The following DSTYK variants were observed in gnomAD, a reference collection of about 807,000 sequenced individuals.
DSTYK encodes the protein RIP-homologous kinase.
Under a neutral mutation model 98.7 loss-of-function variants are expected in DSTYK, and 34 were observed. That is an observed-to-expected ratio of 0.34 (90% CI 0.26 to 0.46). The LOEUF (loss-of-function observed/expected upper bound fraction) is 0.46. Among genes scored for constraint, DSTYK ranks in the 20% least tolerant of loss-of-function variants. The pLI is 1.00. For synonymous variants in DSTYK, 462 were observed against 457.3 expected (o/e 1.01, Z -0.13); for missense variants, 962 against 1,181.7 (o/e 0.81, Z 2.73).
chr1:205,210,658 T>A (rs897044598), intron 1 of DSTYK, among the ~76,000 whole-genome samples: 1 of 152,210 alleles, frequency 6.6e-6, no homozygotes, highest in African/African-American at 2.4e-5. Flanking sequence ...TTCTTCACCT[T>A]AAGCATGAGC....
At chr1:205,177,593 G>A (rs1309661616) in intron 2 of DSTYK, among the ~76,000 whole-genome samples, 1 of 152,138 alleles carries the variant, frequency 6.6e-6, no homozygotes, top group Admixed American at 6.6e-5. Flanking sequence ...TTGGCTGGGT[G>A]TGGTGGCTCA....
At chr1:205,195,435 T>C (rs1658838107) in intron 1 of DSTYK, among the ~76,000 whole-genome samples, 3 of 152,228 alleles carry the variant, frequency 2.0e-5, no homozygotes, top group Non-Finnish European at 4.4e-5. Context: ...AAATTCAGTC[T>C]AGAAATATTT....
At chr1:205,177,121 C>A (rs1658255582) in intron 2 of DSTYK, among the ~76,000 whole-genome samples, 1 of 152,056 alleles carries the variant, frequency 6.6e-6, no homozygotes, top group Admixed American at 6.6e-5. Context: ...GCAGGAAGAT[C>A]CCTTGAGCCT....
chr1:205,169,757 A>T lies in DSTYK; in HGVS notation c.730T>A (p.Phe244Ile). 1 of 1,614,232 alleles carries T rather than the reference A, an allele frequency of 6.2e-7. No homozygotes were observed. The highest frequency in any genetic ancestry group is 1.1e-5 in the South Asian group (1 of 91,084). Reference sequence around the variant, plus strand: ...AGTGCATAGGTTATCACAGGCAAGAAATCATTCACCAAGTCACCCAGAACA... The same window carrying T: ...AGTGCATAGGTTATCACAGGCAAGATATCATTCACCAAGTCACCCAGAACA... ...VDVLGDLVNDFLPVITYALHK... is the reference protein window; with the variant it reads ...VDVLGDLVNDILPVITYALHK... Residue 244 changes from phenylalanine to isoleucine, a missense_variant, in exon 3 of 13, where the codon TTC becomes ATC. Phe to Ile is a conservative substitution (Grantham distance 21). Coordinates refer to ENST00000367162, the MANE Select transcript of DSTYK (RefSeq NM_015375.3). The surrounding 1 kb of genome is among the most constrained non-coding windows in gnomAD (Gnocchi z 4.0).
Position 205,169,404 on chromosome 1 carries a change from G to C in DSTYK, c.1083C>G (p.Ala361=). The C allele has an allele frequency of 6.2e-7, 1 of 1,614,098 alleles. No individual in the cohort carries two copies. The highest frequency in any genetic ancestry group is 8.5e-7 in the Non-Finnish European group (1 of 1,180,022). The change falls in exon 3 of 13, where the codon GCC becomes GCG. Residue 361 remains alanine, a synonymous_variant. Coordinates refer to ENST00000367162, the MANE Select transcript of DSTYK (RefSeq NM_015375.3). This position sits in a 1 kb window ranked among gnomAD's most constrained non-coding sequence, Gnocchi z 4.0. Reference sequence around the variant, plus strand: ...GGCAGTGGCAGTGCACCAGGTTCAGGGCCTTGGCTGCATCCACCAGGCGAG... The same window carrying C: ...GGCAGTGGCAGTGCACCAGGTTCAGCGCCTTGGCTGCATCCACCAGGCGAG... ...LQTRLVDAAK[A]LNLVHCHCLD...
intron 1 of DSTYK, among the ~76,000 whole-genome samples, chr1:205,199,166 C>T (rs1206145157): frequency 6.6e-6 from 1 of 152,106 alleles, no homozygotes; most frequent in Non-Finnish European, 1.5e-5. Flanking sequence ...TCATCCTGCC[C>T]AGAGCACACC....
At chr1:205,172,167 G>A (rs1658084434) in intron 2 of DSTYK, among the ~76,000 whole-genome samples, 1 of 152,080 alleles carries the variant, frequency 6.6e-6, no homozygotes, top group Non-Finnish European at 1.5e-5. Flanking sequence ...ATGTTGGCCG[G>A]GCTGGTCTTG....
intron 2 of DSTYK, among the ~76,000 whole-genome samples, chr1:205,181,646 A>T (rs1009951780): frequency 7.5e-6 from 1 of 132,658 alleles, no homozygotes; most frequent in Non-Finnish European, 1.7e-5. Context: ...TGAGCCACAG[A>T]TGTTGGGGTT....
intron 1 of DSTYK, among the ~76,000 whole-genome samples, chr1:205,192,750 T>C (rs1244429459): frequency 2.6e-5 from 4 of 151,964 alleles, no homozygotes; most frequent in Non-Finnish European, 5.9e-5. Context: ...TAATCCCAGC[T>C]ATTCGGGAGG....
Position 205,147,575 on chromosome 1 carries a change from G to C in DSTYK, c.2773C>G (p.Leu925Val), listed in dbSNP as rs1185317089. The C allele has an allele frequency of 2.5e-6, 4 of 1,610,386 alleles. No homozygotes were observed. The highest frequency in any genetic ancestry group is 1.1e-5 in the South Asian group (1 of 91,008). The change falls in exon 13 of 13, where the codon CTA (leucine) becomes GTA (valine). Residue 925 changes from leucine (L) to valine (V), a missense_variant. Coordinates refer to ENST00000367162, the MANE Select transcript of DSTYK (RefSeq NM_015375.3). The part of the protein sequence containing the change: ...KSNSEQPNRG[L>V]DDST ...CTTTGCTTTCAAGTAGAATCATCTAGTCCTCTGTTTGGCTGCTCAGAATTG... is the reference window on the plus strand; with the variant it reads ...CTTTGCTTTCAAGTAGAATCATCTACTCCTCTGTTTGGCTGCTCAGAATTG...
intron 3 of DSTYK, among the ~76,000 whole-genome samples, chr1:205,164,402 G>A (rs536972562): frequency 4.7e-5 from 7 of 149,672 alleles, no homozygotes; most frequent in South Asian, 4.2e-4. Flanking sequence ...GTGAGACCCC[G>A]TCTCAAAAAA....
chr1:205,159,795 T>A, intron 8 of DSTYK, 116 bp from the exon 9 acceptor site: 1 of 1,312,032 alleles, frequency 7.6e-7, no homozygotes, highest in South Asian at 1.4e-5. Context: ...CCAGAGGTAA[T>A]GGCCCTCAGT....
intron 10 of DSTYK, among the ~76,000 whole-genome samples, chr1:205,156,155 G>C (rs1657553335): frequency 6.6e-6 from 1 of 152,240 alleles, no homozygotes; most frequent in African/African-American, 2.4e-5. Context: ...AGCCCCCATG[G>C]AGAACCTTTG....
intron 2 of DSTYK, among the ~76,000 whole-genome samples, chr1:205,175,755 G>A (rs1437140284): frequency 6.6e-6 from 1 of 152,222 alleles, no homozygotes; most frequent in Non-Finnish European, 1.5e-5. Context: ...ACCTGAGAGG[G>A]AAGTCTGACC....
At chr1:205,188,527 C>A (rs1187221760) in intron 1 of DSTYK, among the ~76,000 whole-genome samples, 2 of 152,128 alleles carry the variant, frequency 1.3e-5, no homozygotes, top group African/African-American at 2.4e-5. Context: ...CATATCTAAA[C>A]ATAGAAAACG....
chr1:205,211,240 G>T, intron 1 of DSTYK, 31 bp downstream of exon 1: 1 of 1,571,458 alleles, frequency 6.4e-7, no homozygotes, highest in Non-Finnish European at 8.6e-7. Context: ...TGCCTCTCCT[G>T]CCCTCTCTCC....
intron 10 of DSTYK, among the ~76,000 whole-genome samples, chr1:205,155,668 T>G (rs537548913): frequency 6.8e-6 from 1 of 147,784 alleles, no homozygotes; most frequent in Non-Finnish European, 1.5e-5. Flanking sequence ...AAAAAAATTT[T>G]TAAAAAAAAG....
In DSTYK at chr1:205,150,441, T is replaced by C. The variant is rs375047091; in HGVS notation, c.2467+239A>G. ...AATAATTGGCTGATTATGGCAGTTATGGCACTAATAACCGAGAGAGATGTC... is the reference window on the plus strand; with the variant it reads ...AATAATTGGCTGATTATGGCAGTTACGGCACTAATAACCGAGAGAGATGTC... On this transcript the variant is annotated intron_variant, in intron 11 of 12. Transcript: ENST00000367162. The surrounding 1 kb of genome is among the most constrained non-coding windows in gnomAD (Gnocchi z 4.1). Among the ~76,000 whole-genome samples the C allele has an allele frequency of 1.6e-4, 24 of 152,188 alleles. No homozygotes were observed. Among genetic ancestry groups the C allele is most frequent in the African/African-American group, 5.8e-4 (24 of 41,450 alleles).
At chr1:205,156,786 G>A (rs1299414071) in intron 10 of DSTYK, among the ~76,000 whole-genome samples, 1 of 152,120 alleles carries the variant, frequency 6.6e-6, no homozygotes, top group Non-Finnish European at 1.5e-5. Context: ...GAGGGGCCAG[G>A]GGCAGAATGA....
Sources: gnomAD v4.1 joint callset for allele counts (sites outside exome capture counted in the v4.1 genomes callset) on GRCh38, gnomAD v4.1.1 for gene constraint, Gnocchi (gnomAD v3.1) non-coding constraint, MANE v1.5 for transcripts, NCBI Gene and HGNC (gene_info 2026-07-23, HGNC 2026-07-21) for gene names.